SMARCAD1: variants seen among roughly 807,000 people sequenced by gnomAD.
The protein encoded by SMARCAD1 is SNF2 related chromatin remodeling ATPase with DExD box 1, also known as SWI/SNF-related matrix-associated actin-dependent regulator of chromatin subfamily A containing DEAD/H box 1.
SMARCAD1 carries 25 observed loss-of-function variants against 127.1 expected under a neutral mutation model. The observed-to-expected ratio is 0.20, with a 90% CI of 0.14 to 0.27. The LOEUF (loss-of-function observed/expected upper bound fraction) is 0.27, where lower values mean the gene tolerates loss of function less well. SMARCAD1 is among the 10% of genes least tolerant of loss of function. The probability of loss-of-function intolerance (pLI) is 1.00; values close to 1 mark genes in which losing one functional copy is unlikely to be tolerated. For missense variants in SMARCAD1, 807 were observed against 1,206.0 expected, an observed-to-expected ratio of 0.67 and a Z score of 4.90; for synonymous variants, 400 against 396.9, an observed-to-expected ratio of 1.01 and a Z score of -0.09.
At position 94,289,590 on chromosome 4, in the gene SMARCAD1, G is replaced by A. The variant is rs1019571437; in HGVS notation, c.*56G>A. On this transcript the variant is annotated 3_prime_UTR_variant, in exon 24 of 24. Transcript: ENST00000354268. ...GAAATATCAACTTGGTGCACTCAAG[G>A]ACATTTACATTATGATGACCATGGG... The A allele has an allele frequency of 7.5e-7, 1 of 1,337,118 alleles. No homozygotes were observed. 82.8% of individuals were successfully genotyped at this position (1,337,118 alleles called of 1,614,324 possible). A position where few individuals can be genotyped will look rare whatever the true frequency, so the allele number is the denominator to read the frequency against.
intron 21 of SMARCAD1, among the ~76,000 whole-genome samples, chr4:94,281,792 G>A (rs367703372): frequency 1.3e-5 from 2 of 151,972 alleles, no homozygotes; most frequent in Non-Finnish European, 2.9e-5. Context: ...AGGCTGATGC[G>A]GGCGGATTGG....
At chr4:94,227,470 A>G (rs1286777486) in intron 3 of SMARCAD1, among the ~76,000 whole-genome samples, 3 of 152,202 alleles carry the variant, frequency 2.0e-5, no homozygotes, top group Non-Finnish European at 4.4e-5. Flanking sequence ...AGATGAGGCT[A>G]GTGCCTGTGG....
chr4:94,214,562 G>A (rs903461749), intron 2 of SMARCAD1, among the ~76,000 whole-genome samples: 2 of 151,952 alleles, frequency 1.3e-5, no homozygotes, highest in East Asian at 1.9e-4. Flanking sequence ...CACCGCACCT[G>A]GCCAAGCGTT....
intron 21 of SMARCAD1, among the ~76,000 whole-genome samples, chr4:94,282,646 T>G (rs952660320): frequency 1.3e-5 from 2 of 152,158 alleles, no homozygotes; most frequent in African/African-American, 2.4e-5. Context: ...TTATTTTTTT[T>G]CTGTTGGCCA....
chr4:94,273,479 G>A, intron 11 of SMARCAD1, 138 bp from the exon 12 acceptor site: 2 of 659,090 alleles, frequency 3.0e-6, no homozygotes, highest in Non-Finnish European at 5.3e-6. Context: ...TAAGAACATA[G>A]TAGAAATTCC....
intron 16 of SMARCAD1, among the ~76,000 whole-genome samples, chr4:94,277,640 A>T (rs779818655): frequency 7.9e-5 from 12 of 152,226 alleles, no homozygotes; most frequent in Non-Finnish European, 1.8e-4. Flanking sequence ...CTTCACAAGA[A>T]AAGTTTTGTT....
At chr4:94,267,376 G>A (rs1054031482) in intron 10 of SMARCAD1, among the ~76,000 whole-genome samples, 8 of 152,038 alleles carry the variant, frequency 5.3e-5, no homozygotes, top group East Asian at 1.9e-4. Context: ...TCATACTTAC[G>A]GGACATAAAC....
At chr4:94,261,822 C>T (rs374425077) in intron 9 of SMARCAD1, among the ~76,000 whole-genome samples, 45 of 152,242 alleles carry the variant, frequency 3.0e-4, no homozygotes, top group African/African-American at 9.6e-4. Flanking sequence ...GTTGCCCAGG[C>T]GGGTCTTGAA....
intron 14 of SMARCAD1, among the ~76,000 whole-genome samples, chr4:94,275,730 A>G (rs930966839): frequency 6.6e-6 from 1 of 151,842 alleles, no homozygotes; most frequent in Non-Finnish European, 1.5e-5. Context: ...GATTACTTAC[A>G]AGTTATACCC....
chr4:94,270,327 G>A (rs1229090317), intron 10 of SMARCAD1, among the ~76,000 whole-genome samples: 41 of 152,090 alleles, frequency 2.7e-4, no homozygotes, highest in Non-Finnish European at 1.8e-4. Flanking sequence ...AGCAAATTAT[G>A]TTTGTGTTTT....
intron 3 of SMARCAD1, among the ~76,000 whole-genome samples, chr4:94,226,639 C>CATGAATCAA (rs1476146898): frequency 6.6e-6 from 1 of 151,634 alleles, no homozygotes; most frequent in Admixed American, 6.6e-5. Flanking sequence ...TTCTAAAGTC[C>CATGAATCAA]ATGAATCAAG....
chr4:94,282,092 G>GTTTTTTTTTTTTTTTTTTTTTTTTTT (rs144409121), intron 21 of SMARCAD1, among the ~76,000 whole-genome samples: 1 of 110,984 alleles, frequency 9.0e-6, no homozygotes. Flanking sequence ...ATGCAAATAC[G>GTTTTTTTTTTTTTTTTTTTTTTTTTT]TTTTTTTGTT....
chr4:94,212,171 A>T (rs1397487233), intron 2 of SMARCAD1, among the ~76,000 whole-genome samples: 1 of 152,076 alleles, frequency 6.6e-6, no homozygotes, highest in Non-Finnish European at 1.5e-5. Context: ...ATTTTTTAAA[A>T]TTTATTTATT....
intron 2 of SMARCAD1, among the ~76,000 whole-genome samples, chr4:94,222,525 A>G (rs1744308297): frequency 6.6e-6 from 1 of 150,426 alleles, no homozygotes; most frequent in Admixed American, 6.7e-5. Context: ...TACAGTCTGC[A>G]TGTTTAATGT....
intron 1 of SMARCAD1, 117 bp downstream of exon 1, chr4:94,208,187 C>T (rs1298021012): frequency 7.1e-6 from 5 of 703,540 alleles, no homozygotes; most frequent in African/African-American, 5.2e-5. Context: ...CCCCGTCCAC[C>T]TTCTAATTGT....
At chr4:94,253,972 T>G (rs1243086804) in intron 9 of SMARCAD1, among the ~76,000 whole-genome samples, 1 of 152,148 alleles carries the variant, frequency 6.6e-6, no homozygotes, top group Non-Finnish European at 1.5e-5. Context: ...GGGAGCAAAG[T>G]TGCTTTTGTG....
chr4:94,247,484 G>C (rs1748618272), intron 6 of SMARCAD1, among the ~76,000 whole-genome samples: 1 of 152,200 alleles, frequency 6.6e-6, no homozygotes, highest in African/African-American at 2.4e-5. Flanking sequence ...ATTCCGAAGA[G>C]CTGTTTACTG....
intron 9 of SMARCAD1, among the ~76,000 whole-genome samples, chr4:94,257,298 CTACCAAAGA>C (rs1475737473): frequency 6.6e-6 from 1 of 152,134 alleles, no homozygotes; most frequent in East Asian, 1.9e-4. Flanking sequence ...ACCCCAAATT[CTACCAAAGA>C]TACCCACCAT....
rs927523314 is a variant in SMARCAD1, at chr4:94,290,299, C to T, written c.*765C>T. On this transcript the variant is annotated 3_prime_UTR_variant, in exon 24 of 24. Transcript: ENST00000354268. The stretch of plus-strand genomic sequence containing the variant: ...TGTGCATGTTTTCATTGATTTCCCT[C>T]TCCCGGCTTTTGCTTCTCTTGAAAC... The T allele has an allele frequency of 3.5e-5, 16 of 454,404 alleles. No homozygotes were observed. The highest frequency in any genetic ancestry group is 6.6e-5 in the Non-Finnish European group (15 of 226,786). The allele number at this position is 454,404 out of a possible 1,614,324, so 28.1% of individuals were successfully genotyped here. A position where few individuals can be genotyped will look rare whatever the true frequency, so the allele number is the denominator to read the frequency against.
Sources: allele counts gnomAD v4.1 joint callset (sites outside exome capture counted in the v4.1 genomes callset), GRCh38; gene constraint gnomAD v4.1.1; transcripts MANE v1.5; gene names NCBI Gene and HGNC (gene_info 2026-07-23, HGNC 2026-07-21).